AIMP2: variants seen among roughly 807,000 people sequenced by gnomAD.
AIMP2 encodes aminoacyl tRNA synthase complex-interacting multifunctional protein 2.
In AIMP2, 20 loss-of-function variants were observed where a neutral mutation model predicts 23.4. The observed-to-expected ratio is 0.85, with a 90% CI of 0.60 to 1.24. The LOEUF is 1.24. Among genes scored for constraint, AIMP2 ranks in the 50% most tolerant of loss-of-function variants. The probability of loss-of-function intolerance (pLI) is 0.00; values close to 1 mark genes in which losing one functional copy is unlikely to be tolerated. For synonymous variants in AIMP2, 210 were observed against 170.4 expected (o/e 1.23, Z -1.81); for missense variants, 515 against 414.5 (o/e 1.24, Z -2.10).
At chr7:6,022,711 G>A (rs1294936584) in intron 3 of AIMP2, 2 of 152,364 alleles carry the variant, frequency 1.3e-5, no homozygotes, top group Non-Finnish European at 2.9e-5. Context: ...ATTTGGGGAA[G>A]GGGGTTCTGT....
Position 6,015,187 on chromosome 7 carries a change from A to G in AIMP2, c.177A>G (p.Gln59=), listed in dbSNP as rs755313952. Residue 59 remains glutamine, a synonymous_variant, in exon 2 of 4, where the codon CAA becomes CAG. Coordinates refer to ENST00000223029, the MANE Select transcript of AIMP2 (RefSeq NM_006303.4). ...CTCTGCAAGCTCTTGAGTCCCGCCA[A>G]GATGATATTTTAAAACGTCTGTATG... The part of the protein sequence containing the change: ...NLSLQALESR[Q]DDILKRLYEL... 2.5e-6 allele frequency: 4 copies of G among 1,614,076 alleles called. No individual in the cohort carries two copies. The highest frequency in any genetic ancestry group is 2.7e-5 in the African/African-American group (2 of 74,940).
At chr7:6,017,752 C>T (rs995818299) in intron 2 of AIMP2, 62 bp from the exon 3 acceptor site, 18 of 1,461,468 alleles carry the variant, frequency 1.2e-5, no homozygotes, top group East Asian at 4.9e-5. Context: ...CTTAGACTCG[C>T]GCCCGGCACA....
intron 3 of AIMP2, among the ~76,000 whole-genome samples, chr7:6,018,790 C>T (rs1025898008): frequency 1.3e-5 from 2 of 151,688 alleles, no homozygotes; most frequent in African/African-American, 2.4e-5. Flanking sequence ...GCCAAGATCA[C>T]GCCATTGTAT....
intron 1 of AIMP2, chr7:6,012,982 C>T (rs185757183): frequency 7.1e-6 from 7 of 982,698 alleles, no homozygotes; most frequent in East Asian, 2.3e-4. Flanking sequence ...TGATTAAGCC[C>T]GAAGGTAAAT....
chr7:6,017,871 T>C lies in AIMP2; in HGVS notation c.400T>C (p.Ser134Pro). The stretch of plus-strand genomic sequence containing the variant: ...CGCAAACCCGGCCTCCCCTCCCCTC[T>C]CCCTGCTTGTGCTGCACAGGCTGCT... ...INANPASPPL[S>P]LLVLHRLLCE... The change falls in exon 3 of 4, where the codon TCC (serine) becomes CCC (proline). Residue 134 changes from serine (S) to proline (P), a missense_variant. Ser to Pro is a moderately conservative substitution (Grantham distance 74). Coordinates refer to ENST00000223029, the MANE Select transcript of AIMP2 (RefSeq NM_006303.4). 1 of 1,614,068 alleles carries C rather than the reference T, an allele frequency of 6.2e-7. No individual in the cohort carries two copies. Among genetic ancestry groups the C allele is most frequent in the Non-Finnish European group, 8.5e-7 (1 of 1,180,020 alleles).
intron 2 of AIMP2, among the ~76,000 whole-genome samples, chr7:6,017,394 G>A (rs1379809210): frequency 6.6e-6 from 1 of 151,890 alleles, no homozygotes. Context: ...ATGGTGACAG[G>A]CACCTGTAGT....
chr7:6,013,111 G>T (rs1327583431), intron 1 of AIMP2: 3 of 430,540 alleles, frequency 7.0e-6, no homozygotes, highest in Non-Finnish European at 9.3e-6. Flanking sequence ...AGTGTGGCTA[G>T]AGCACAGGCA....
chr7:6,017,730 C>G lies in AIMP2; in HGVS notation c.343-84C>G, dbSNP rs1234521287. 13 of 1,258,328 alleles carry G rather than the reference C, an allele frequency of 1.0e-5. No individual in the cohort carries two copies. In the Admixed American group the frequency reaches 3.0e-4, roughly 29 times the overall value. The allele number at this position is 1,258,328 out of a possible 1,614,324, so 77.9% of individuals were successfully genotyped here. On this transcript the variant is annotated intron_variant, in intron 2 of 3. Coordinates refer to ENST00000223029, the MANE Select transcript of AIMP2 (RefSeq NM_006303.4). ...GAAGTGGCGGAGTCGGTTAGATAAC[C>G]CTGGTTAGGTTCTTAGACTCGCGCC...
intron 1 of AIMP2, among the ~76,000 whole-genome samples, chr7:6,011,950 T>C (rs768911935): frequency 2.6e-5 from 4 of 152,074 alleles, no homozygotes; most frequent in Non-Finnish European, 5.9e-5. Context: ...TGCGGACAAA[T>C]AATTAGCCAT....
At chr7:6,019,273 A>C (rs1443238632) in intron 3 of AIMP2, among the ~76,000 whole-genome samples, 1 of 151,640 alleles carries the variant, frequency 6.6e-6, no homozygotes, top group Non-Finnish European at 1.5e-5. Flanking sequence ...AGGTCAGGAT[A>C]TCGAGACCAT....
At chr7:6,009,974 A>AAAATATACATATATATATATAT in intron 1 of AIMP2, among the ~76,000 whole-genome samples, 8 of 26,674 alleles carry the variant, frequency 3.0e-4, no homozygotes, top group East Asian at 3.7e-3. Flanking sequence ...AAAAAAAAAA[A>AAAATATACATATATATATATAT]ATATATATAT....
rs747974072 is a variant in AIMP2, at chr7:6,017,854, C to T, written c.383C>T (p.Pro128Leu). 13 of 1,614,050 alleles carry T rather than the reference C, an allele frequency of 8.1e-6. No individual in the cohort carries two copies. Among genetic ancestry groups the T allele is most frequent in the Middle Eastern group, 1.6e-4 (1 of 6,062 alleles). The change falls in exon 3 of 4, where the codon CCG (proline) becomes CTG (leucine). Residue 128 changes from proline (P) to leucine (L), a missense_variant. Transcript: ENST00000223029. ...AAAGACATCGTGATCAACGCAAACC[C>T]GGCCTCCCCTCCCCTCTCCCTGCTT... is the stretch of plus-strand genomic sequence containing the variant. ...ALKDIVINANPASPPLSLLVL... is the reference protein window; with the variant it reads ...ALKDIVINANLASPPLSLLVL...
At chr7:6,010,728 T>G (rs1786613224) in intron 1 of AIMP2, among the ~76,000 whole-genome samples, 1 of 151,890 alleles carries the variant, frequency 6.6e-6, no homozygotes, top group African/African-American at 2.4e-5. Flanking sequence ...GGATTACAGG[T>G]GTGAGCCACC....
chr7:6,022,779 G>A (rs1165907541), intron 3 of AIMP2: 1 of 152,892 alleles, frequency 6.5e-6, no homozygotes, highest in African/African-American at 2.4e-5. Context: ...TCACATTCAA[G>A]AACTTACCAT....
At chr7:6,015,612 T>C (rs1216396462) in intron 2 of AIMP2, among the ~76,000 whole-genome samples, 1 of 152,186 alleles carries the variant, frequency 6.6e-6, no homozygotes, top group Non-Finnish European at 1.5e-5. Context: ...TAGTCCCAGC[T>C]ACTCGGGAGG....
rs557303259 is a variant in AIMP2, at chr7:6,022,767, C to G, written c.575-536C>G. On this transcript the variant is annotated intron_variant, in intron 3 of 3. Transcript: ENST00000223029. ...GTCATGGCTATCACAGCCATCTTGC[C>G]CTCACATTCAAGAACTTACCATCAT... The G allele has an allele frequency of 2.0e-5, 3 of 152,746 alleles. No individual in the cohort carries two copies. The East Asian group carries it at 5.8e-4, about 29-fold the overall frequency. 9.5% of individuals were successfully genotyped at this position (152,746 alleles called of 1,614,324 possible).
chr7:6,010,356 A>G (rs1461928889), intron 1 of AIMP2, among the ~76,000 whole-genome samples: 1 of 149,498 alleles, frequency 6.7e-6, no homozygotes, highest in Non-Finnish European at 1.5e-5. Flanking sequence ...TCCACCCCCA[A>G]CCCCAGGTCC....
intron 1 of AIMP2, among the ~76,000 whole-genome samples, chr7:6,009,974 A>AAATATACATATATATAT: frequency 3.7e-5 from 1 of 26,672 alleles, no homozygotes; most frequent in African/African-American, 1.4e-4. Flanking sequence ...AAAAAAAAAA[A>AAATATACATATATATAT]ATATATATAT....
At chr7:6,019,125 G>A (rs989784871) in intron 3 of AIMP2, among the ~76,000 whole-genome samples, 1 of 151,398 alleles carries the variant, frequency 6.6e-6, no homozygotes, top group Non-Finnish European at 1.5e-5. Context: ...CCTCCAGCGT[G>A]GGGAGTGTCT....
Sources: gnomAD v4.1 joint callset for allele counts (sites outside exome capture counted in the v4.1 genomes callset) on GRCh38, gnomAD v4.1.1 for gene constraint, MANE v1.5 for transcripts, NCBI Gene and HGNC (gene_info 2026-07-23, HGNC 2026-07-21) for gene names.